The following PKN2 variants were observed in gnomAD, a reference collection of about 807,000 sequenced individuals.
PKN2 encodes the protein serine/threonine-protein kinase N2.
PKN2 carries 38 observed loss-of-function variants against 119.1 expected under a neutral mutation model. The ratio of observed to expected loss-of-function variants is 0.32; its 90% CI spans 0.25 to 0.42. The LOEUF is 0.42. PKN2 is among the 10% of genes least tolerant of loss of function. The pLI is 1.00. For synonymous variants in PKN2, 390 were observed against 384.9 expected (o/e 1.01, Z -0.15); for missense variants, 850 against 1,165.1 (o/e 0.73, Z 3.94).
intron 16 of PKN2, 148 bp from the exon 17 acceptor site, chr1:88,821,793 A>G (rs1456226223): frequency 3.4e-6 from 2 of 586,692 alleles, no homozygotes; most frequent in East Asian, 3.6e-5. Context: ...TACCCCTAAT[A>G]TCTAGCACAA....
chr1:88,752,231 C>A (rs944977684), intron 2 of PKN2, among the ~76,000 whole-genome samples: 5 of 152,082 alleles, frequency 3.3e-5, no homozygotes, highest in African/African-American at 1.2e-4. Context: ...CAAACTTACT[C>A]TTTATCAAAT....
At chr1:88,828,219 T>C (rs573691286) in intron 18 of PKN2, among the ~76,000 whole-genome samples, 1 of 152,346 alleles carries the variant, frequency 6.6e-6, no homozygotes, top group Non-Finnish European at 1.5e-5. Context: ...AGCTCCCTTG[T>C]AATGACAAGA....
At chr1:88,760,462 A>G in intron 3 of PKN2, 86 bp downstream of exon 3, 2 of 740,118 alleles carry the variant, frequency 2.7e-6, no homozygotes, top group Non-Finnish European at 4.4e-6. Flanking sequence ...AATAAAATTT[A>G]TTAGTAACTC....
Position 88,807,650 on chromosome 1 carries a change from C to G in PKN2, c.2011-34C>G, listed in dbSNP as rs749975766. 8 of 1,561,736 alleles carry G rather than the reference C, an allele frequency of 5.1e-6. No individual in the cohort carries two copies. The South Asian group carries it at 8.2e-5, about 16-fold the overall frequency. On this transcript the variant is annotated intron_variant, in intron 14 of 21. Transcript: ENST00000370521. ...TGGAATATCTACAACATTAATAACTCAAGTGGAAAATAATTATTTTAATTT... is the reference window on the plus strand; with the variant it reads ...TGGAATATCTACAACATTAATAACTGAAGTGGAAAATAATTATTTTAATTT...
At position 88,770,441 on chromosome 1, in the gene PKN2, C is replaced by T. The variant is rs765876897; in HGVS notation, c.594C>T (p.Val198=). 14 of 1,605,830 alleles carry T rather than the reference C, an allele frequency of 8.7e-6. No homozygotes were observed. The African/African-American group carries it at 1.9e-4, about 21-fold the overall frequency. ...EVIRMQILQA[V]QTNELAFDNA... is the part of the protein sequence containing the mutation. ...TACGAATGCAGATTCTTCAGGCAGT[C>T]CAGACTAATGAATTGGCTTTTGATA... is the stretch of plus-strand genomic sequence containing the variant. Residue 198 remains valine, a synonymous_variant, in exon 4 of 22, where the codon GTC becomes GTT. Coordinates refer to ENST00000370521, the MANE Select transcript of PKN2 (RefSeq NM_006256.4).
chr1:88,782,527 G>A (rs1353729819), intron 6 of PKN2, among the ~76,000 whole-genome samples: 2 of 151,894 alleles, frequency 1.3e-5, no homozygotes, highest in Admixed American at 6.6e-5. Flanking sequence ...TCTTTCTTTA[G>A]TGTCTTCTAT....
chr1:88,781,266 G>T, intron 6 of PKN2: 2 of 616,616 alleles, frequency 3.2e-6, no homozygotes, highest in South Asian at 2.2e-5. Context: ...ACTGAAATTT[G>T]CCAGTTTGTT....
chr1:88,825,652 G>A (rs1453421983), intron 18 of PKN2, among the ~76,000 whole-genome samples: 3 of 152,002 alleles, frequency 2.0e-5, no homozygotes, highest in Non-Finnish European at 4.4e-5. Context: ...CCATTATCTT[G>A]TTTTGACAAG....
chr1:88,833,576 T>G lies in PKN2; in HGVS notation c.*128T>G. 4.4e-6 allele frequency: 3 copies of G among 685,552 alleles called. No homozygotes were observed. The highest frequency in any genetic ancestry group is 7.5e-6 in the Non-Finnish European group (3 of 401,602). 42.5% of individuals were successfully genotyped at this position (685,552 alleles called of 1,614,324 possible). The stretch of plus-strand genomic sequence containing the variant: ...TTGTTGTTGTTTTTATTGAAACACG[T>G]GAAGATTTGTTTAAAAGTACCATTC... On this transcript the variant is annotated 3_prime_UTR_variant, in exon 22 of 22. Coordinates refer to ENST00000370521, the MANE Select transcript of PKN2 (RefSeq NM_006256.4).
intron 15 of PKN2, 87 bp from the exon 16 acceptor site, chr1:88,813,470 A>T: frequency 1.0e-6 from 1 of 987,380 alleles, no homozygotes; most frequent in Non-Finnish European, 1.4e-6. Flanking sequence ...AATTTTGCTT[A>T]TTTTTAAGTT....
At position 88,760,370 on chromosome 1, in the gene PKN2, T is replaced by G; in HGVS notation, c.498T>G (p.Ser166=). 6.6e-7 allele frequency: 1 copy of G among 1,513,140 alleles called. No individual in the cohort carries two copies. The highest frequency in any genetic ancestry group is 1.4e-5 in the African/African-American group (1 of 71,126). 93.7% of individuals were successfully genotyped at this position (1,513,140 alleles called of 1,614,324 possible). The change falls in exon 3 of 22, where the codon TCT becomes TCG. Residue 166 remains serine, a synonymous_variant. Transcript: ENST00000370521. ...TGATACAGATGTATTCAAATGGATC[T>G]TCAAAGGTAAGTGTAGTTAATAAAT... ...ENMIQMYSNG[S]SKDRKLHGTA...
intron 1 of PKN2, among the ~76,000 whole-genome samples, chr1:88,710,623 A>G (rs1183038375): frequency 6.6e-6 from 1 of 152,226 alleles, no homozygotes; most frequent in East Asian, 1.9e-4. Flanking sequence ...GACTAGCCAG[A>G]ATGGCTATTA....
chr1:88,827,006 A>G (rs1672525445), intron 18 of PKN2, among the ~76,000 whole-genome samples: 1 of 152,138 alleles, frequency 6.6e-6, no homozygotes, highest in African/African-American at 2.4e-5. Flanking sequence ...GTGCTAATGT[A>G]TCTAATTGTG....
intron 1 of PKN2, among the ~76,000 whole-genome samples, chr1:88,688,317 C>G (rs1021187492): frequency 6.6e-6 from 1 of 152,096 alleles, no homozygotes. Context: ...GAACTCCTGA[C>G]CTCGTGATTC....
chr1:88,684,523 G>C lies in PKN2; in HGVS notation c.-58G>C. The C allele has an allele frequency of 1.8e-6, 2 of 1,129,446 alleles. No homozygotes were observed. The highest frequency in any genetic ancestry group is 2.4e-5 in the Admixed American group (1 of 41,644). 70.0% of individuals were successfully genotyped at this position (1,129,446 alleles called of 1,614,324 possible). A position where few individuals can be genotyped will look rare whatever the true frequency, so the allele number is the denominator to read the frequency against. On this transcript the variant is annotated 5_prime_UTR_variant, in exon 1 of 22. Transcript: ENST00000370521. ...TCACCCCCACCCCGAGCCCCGTCCC[G>C]CCTTCTCCCTTCGCCAGAGGCGGCC...
At chr1:88,756,278 G>A (rs867531100) in intron 2 of PKN2, among the ~76,000 whole-genome samples, 7 of 152,210 alleles carry the variant, frequency 4.6e-5, no homozygotes, top group South Asian at 2.1e-4. Context: ...TAATCTTTTT[G>A]TATAAGTGCT....
chr1:88,730,972 A>G (rs1030690275), intron 1 of PKN2, among the ~76,000 whole-genome samples: 4 of 152,248 alleles, frequency 2.6e-5, no homozygotes, highest in African/African-American at 9.6e-5. Context: ...TTCAAAACAA[A>G]CAAACAAAAA....
intron 8 of PKN2, among the ~76,000 whole-genome samples, chr1:88,788,808 T>A (rs1670690245): frequency 6.6e-6 from 1 of 152,170 alleles, no homozygotes; most frequent in South Asian, 2.1e-4. Context: ...TTCTGTCGGG[T>A]TACTCTTTTA....
At position 88,834,369 on chromosome 1, in the gene PKN2, T is replaced by G. The variant is rs1672859900; in HGVS notation, c.*921T>G. ...GTCTGCTGTAGAAGGGAACCATAAC[T>G]TGGTTAAACCGTAGGGATTATCATT... On this transcript the variant is annotated 3_prime_UTR_variant, in exon 22 of 22. Coordinates refer to ENST00000370521, the MANE Select transcript of PKN2 (RefSeq NM_006256.4). 1 of 152,490 alleles carries G rather than the reference T, an allele frequency of 6.6e-6. No homozygotes were observed. The highest frequency in any genetic ancestry group is 6.6e-5 in the Admixed American group (1 of 15,232). 9.4% of individuals were successfully genotyped at this position (152,490 alleles called of 1,614,324 possible).
Sources: allele counts gnomAD v4.1 joint callset (sites outside exome capture counted in the v4.1 genomes callset), GRCh38; gene constraint gnomAD v4.1.1; transcripts MANE v1.5; gene names NCBI Gene and HGNC (gene_info 2026-07-23, HGNC 2026-07-21).